The following RBMS1 variants were observed in gnomAD, a reference collection of about 807,000 sequenced individuals.
RBMS1 encodes RNA-binding motif, single-stranded-interacting protein 1.
RBMS1 carries 17 observed loss-of-function variants against 62.3 expected under a neutral mutation model. The observed-to-expected ratio is 0.27, with a 90% CI of 0.19 to 0.41. RBMS1 has a LOEUF of 0.41. Ranked by LOEUF, RBMS1 falls within the 10% of genes least tolerant of loss-of-function variation. The pLI is 1.00. For synonymous variants in RBMS1, 172 were observed against 170.0 expected (o/e 1.01, Z -0.09); for missense variants, 334 against 504.5 (o/e 0.66, Z 3.24).
At chr2:160,484,324 C>T (rs982858329) in intron 1 of RBMS1, among the ~76,000 whole-genome samples, 29 of 151,630 alleles carry the variant, frequency 1.9e-4, no homozygotes, top group Admixed American at 1.1e-3. Flanking sequence ...TGAAACCCCG[C>T]CTCTACTAAA....
At chr2:160,447,133 C>G (rs1363958756) in intron 1 of RBMS1, among the ~76,000 whole-genome samples, 1 of 152,102 alleles carries the variant, frequency 6.6e-6, no homozygotes, top group Non-Finnish European at 1.5e-5. Flanking sequence ...GTTCAATAGT[C>G]CAGGGGCAGG....
At chr2:160,345,984 C>A (rs1172903274) in intron 2 of RBMS1, among the ~76,000 whole-genome samples, 1 of 152,110 alleles carries the variant, frequency 6.6e-6, no homozygotes, top group African/African-American at 2.4e-5. Flanking sequence ...CTTCACTTTT[C>A]ACTTCCCAGA....
chr2:160,417,765 T>C (rs956074305), intron 1 of RBMS1, among the ~76,000 whole-genome samples: 3 of 152,346 alleles, frequency 2.0e-5, no homozygotes, highest in African/African-American at 4.8e-5. Flanking sequence ...TGCATATCCA[T>C]GTCCTTTCTA....
At chr2:160,471,608 G>A (rs1051014375) in intron 1 of RBMS1, among the ~76,000 whole-genome samples, 7 of 147,146 alleles carry the variant, frequency 4.8e-5, no homozygotes, top group African/African-American at 1.2e-4. Context: ...TTGATCTCTC[G>A]CAACTCACAA....
At chr2:160,300,425 C>A (rs1387298897) in intron 6 of RBMS1, among the ~76,000 whole-genome samples, 1 of 152,266 alleles carries the variant, frequency 6.6e-6, no homozygotes, top group East Asian at 1.9e-4. Flanking sequence ...GTGAATTGCA[C>A]AATGCTTTAC....
chr2:160,349,332 C>T (rs966839315), intron 2 of RBMS1, among the ~76,000 whole-genome samples: 34 of 152,112 alleles, frequency 2.2e-4, no homozygotes, highest in African/African-American at 7.0e-4. Context: ...TGTATTTATT[C>T]GTAGCCTGCT....
At chr2:160,319,857 CTG>C (rs1194786045) in intron 2 of RBMS1, among the ~76,000 whole-genome samples, 1 of 152,132 alleles carries the variant, frequency 6.6e-6, no homozygotes, top group African/African-American at 2.4e-5. Context: ...TATGTTCACT[CTG>C]TGTAATCATG....
intron 2 of RBMS1, among the ~76,000 whole-genome samples, chr2:160,365,919 A>T (rs1268335217): frequency 6.6e-6 from 1 of 152,244 alleles, no homozygotes; most frequent in Non-Finnish European, 1.5e-5. Flanking sequence ...CTCTGCCTCC[A>T]GCCAGCAATG....
At chr2:160,486,415 T>C (rs893895024) in intron 1 of RBMS1, among the ~76,000 whole-genome samples, 1 of 152,132 alleles carries the variant, frequency 6.6e-6, no homozygotes, top group Admixed American at 6.5e-5. Flanking sequence ...GTGAAATGGG[T>C]CTGGGAAGAT....
At chr2:160,446,277 A>T (rs1215960596) in intron 1 of RBMS1, among the ~76,000 whole-genome samples, 3 of 152,160 alleles carry the variant, frequency 2.0e-5, no homozygotes, top group Non-Finnish European at 4.4e-5. Flanking sequence ...CATGTTAAGA[A>T]CCAGTCTATT....
rs777468722 is a variant in RBMS1 at position 160,493,358 on chromosome 2, G to A, written c.6C>T (p.Gly2=). The A allele has an allele frequency of 2.7e-5, 44 of 1,613,222 alleles. No homozygotes were observed. Among genetic ancestry groups the A allele is most frequent in the Non-Finnish European group, 2.9e-5 (34 of 1,179,544 alleles). Residue 2 remains glycine, a synonymous_variant, in exon 1 of 14, where the codon GGC becomes GGT. Coordinates refer to ENST00000348849, the MANE Select transcript of RBMS1 (RefSeq NM_016836.4). M[G]KVWKQQMYPQ... ...GGTACATCTGCTGTTTCCACACTTT[G>A]CCCATGAAGCTGGAAGGGAGCCTGC...
At chr2:160,358,090 T>C (rs1008540058) in intron 2 of RBMS1, among the ~76,000 whole-genome samples, 2 of 152,184 alleles carry the variant, frequency 1.3e-5, no homozygotes, top group Non-Finnish European at 2.9e-5. Flanking sequence ...ATATTTCGCT[T>C]ACCCAAGAGA....
intron 1 of RBMS1, among the ~76,000 whole-genome samples, chr2:160,482,574 T>A (rs769893567): frequency 8.5e-5 from 13 of 152,190 alleles, no homozygotes; most frequent in Non-Finnish European, 1.8e-4. Context: ...TCAACTTAAC[T>A]AGATGATTTT....
At chr2:160,441,392 T>C (rs1366406316) in intron 1 of RBMS1, among the ~76,000 whole-genome samples, 1 of 152,206 alleles carries the variant, frequency 6.6e-6, no homozygotes, top group East Asian at 1.9e-4. Flanking sequence ...AGGGTGGTAT[T>C]TCTGGGTCAT....
chr2:160,354,998 G>A (rs74790442), intron 2 of RBMS1, among the ~76,000 whole-genome samples: 2,767 of 152,126 alleles, frequency 0.018, 32 homozygotes, highest in Non-Finnish European at 0.027. Flanking sequence ...TCAGTTCCAC[G>A]GCTCTCTCAC....
intron 1 of RBMS1, among the ~76,000 whole-genome samples, chr2:160,433,980 T>G (rs1361967668): frequency 6.6e-6 from 1 of 152,228 alleles, no homozygotes; most frequent in Non-Finnish European, 1.5e-5. Context: ...CTCCTAATCA[T>G]TTTAATCTCA....
At chr2:160,481,939 A>G (rs1380668470) in intron 1 of RBMS1, among the ~76,000 whole-genome samples, 1 of 152,230 alleles carries the variant, frequency 6.6e-6, no homozygotes, top group East Asian at 1.9e-4. Context: ...CTGAACATAC[A>G]CATATCCTAT....
chr2:160,438,404 C>A (rs926567759), intron 1 of RBMS1, among the ~76,000 whole-genome samples: 3 of 151,700 alleles, frequency 2.0e-5, no homozygotes, highest in Non-Finnish European at 4.4e-5. Flanking sequence ...GAGGACCCTG[C>A]GGCCTTCCGC....
Position 160,433,462 on chromosome 2 carries a change from C to A in RBMS1, c.75+59827G>T, listed in dbSNP as rs536152128. Among the ~76,000 whole-genome samples the A allele has an allele frequency of 7.2e-5, 11 of 152,322 alleles. No individual in the cohort carries two copies. In the East Asian group the frequency reaches 2.1e-3, roughly 29 times the overall value. On this transcript the variant is annotated intron_variant, in intron 1 of 13. Coordinates refer to ENST00000348849, the MANE Select transcript of RBMS1 (RefSeq NM_016836.4). ...AAAAAAACTTTAAAACAAGTTTGTT[C>A]ACAGTTATGAGAACTTGAGTTCACT...
Sources: allele counts gnomAD v4.1 joint callset (sites outside exome capture counted in the v4.1 genomes callset), GRCh38; gene constraint gnomAD v4.1.1; transcripts MANE v1.5; gene names NCBI Gene and HGNC (gene_info 2026-07-23, HGNC 2026-07-21).